The following RAB11FIP4 variants were observed in gnomAD, a reference collection of about 807,000 sequenced individuals.
The protein encoded by RAB11FIP4 is rab11 family-interacting protein 4.
In RAB11FIP4, 23 loss-of-function variants were observed where a neutral mutation model predicts 74.3. The ratio of observed to expected loss-of-function variants is 0.31; its 90% confidence interval spans 0.22 to 0.44. The LOEUF (loss-of-function observed/expected upper bound fraction) is 0.44. Ranked by LOEUF, RAB11FIP4 falls within the 20% of genes least tolerant of loss-of-function variation. The pLI, the probability that RAB11FIP4 is intolerant of heterozygous loss-of-function variation, is 1.00. For synonymous variants in RAB11FIP4, 360 were observed against 359.9 expected (o/e 1.00, Z 0.00); for missense variants, 630 against 863.9 (o/e 0.73, Z 3.39).
intron 3 of RAB11FIP4, among the ~76,000 whole-genome samples, chr17:31,503,736 C>T (rs917525793): frequency 6.7e-6 from 1 of 149,790 alleles, no homozygotes; most frequent in Non-Finnish European, 1.5e-5. Context: ...CTCATTTCAT[C>T]CTTGAAGCTC....
At position 31,528,767 on chromosome 17, in the gene RAB11FIP4, C is replaced by T. The variant is rs752141998; in HGVS notation, c.1642C>T (p.Arg548Trp). 2.0e-5 allele frequency: 32 copies of T among 1,608,792 alleles called. No individual in the cohort carries two copies. The highest frequency in any genetic ancestry group is 2.3e-5 in the Non-Finnish European group (27 of 1,178,600). ...GGTGGAGCTCGAGCACGAGGTCAAG[C>T]GGCTCAAGCAGGTGGGTCTAGCAGT... is the stretch of plus-strand genomic sequence containing the variant. ...REVELEHEVK[R>W]LKQENYKLRD... The change falls in exon 13 of 15, where the codon CGG becomes TGG. Residue 548 changes from arginine to tryptophan, a missense_variant. Transcript: ENST00000621161.
rs1162041790 is a variant in RAB11FIP4, at chr17:31,533,614, C to T, written c.*1882C>T. ...GAGTACTGGTGCGTGGGGGCCTTACCCCAGGGTTGAGTATTTTATCTGTAA... is the reference window on the plus strand; with the variant it reads ...GAGTACTGGTGCGTGGGGGCCTTACTCCAGGGTTGAGTATTTTATCTGTAA... On this transcript the variant is annotated 3_prime_UTR_variant, in exon 15 of 15. Coordinates refer to ENST00000621161, the MANE Select transcript of RAB11FIP4 (RefSeq NM_032932.6). The T allele has an allele frequency of 1.3e-5, 2 of 152,282 alleles. No homozygotes were observed. The highest frequency in any genetic ancestry group is 2.9e-5 in the Non-Finnish European group (2 of 68,100). 9.4% of individuals were successfully genotyped at this position (152,282 alleles called of 1,614,324 possible). A position where few individuals can be genotyped will look rare whatever the true frequency, so the allele number is the denominator to read the frequency against.
At position 31,434,119 on chromosome 17, in the gene RAB11FIP4, G is replaced by A; in HGVS notation, c.333G>A (p.Glu111=). ...PCAPEIPDCV[E]QGSEVTGPTF... ...CGCCAGAGATCCCAGACTGCGTGGA[G>A]CAGGTAAGGCTTGGGGGGCCTCAAG... Residue 111 remains glutamate, a synonymous_variant, in exon 3 of 15, where the codon GAG becomes GAA. Transcript: ENST00000621161. 1 of 1,576,472 alleles carries A rather than the reference G, an allele frequency of 6.3e-7. No homozygotes were observed. Among genetic ancestry groups the A allele is most frequent in the Non-Finnish European group, 8.6e-7 (1 of 1,168,846 alleles).
chr17:31,523,459 C>T, intron 7 of RAB11FIP4, 53 bp from the exon 8 acceptor site: 1 of 1,414,024 alleles, frequency 7.1e-7, no homozygotes, highest in Non-Finnish European at 1.0e-6. Flanking sequence ...TGTGAGTAGG[C>T]CCCTGTCTCT....
intron 3 of RAB11FIP4, among the ~76,000 whole-genome samples, chr17:31,438,546 G>A (rs1030535183): frequency 9.9e-5 from 15 of 151,842 alleles, no homozygotes; most frequent in South Asian, 2.1e-4. Flanking sequence ...CCCACTGACC[G>A]GGCGTCCTCC....
chr17:31,505,607 TA>T lies in RAB11FIP4; in HGVS notation c.337-12042del, dbSNP rs1567681434. On this transcript the variant is annotated intron_variant, in intron 3 of 14. Transcript: ENST00000621161. ...ATAATAATTATATATTATATAATAA[TA>T]ATTATATATAATATATAATTATATA... 1.1e-3 allele frequency among the ~76,000 whole-genome samples: 52 copies of T among 46,686 alleles called. 1 individual carries two copies. Among genetic ancestry groups the T allele is most frequent in the East Asian group, 7.9e-3 (7 of 884 alleles). 30.6% of individuals were successfully genotyped at this position (46,686 alleles called of 152,430 possible).
At chr17:31,431,625 GC>G (rs2071310148) in intron 1 of RAB11FIP4, 187 bp from the exon 2 acceptor site, 1 of 539,964 alleles carries the variant, frequency 1.9e-6, no homozygotes, top group Admixed American at 3.8e-5. Context: ...GCTTTTCTTT[GC>G]CCGAGTTGTC....
rs372200031 is a variant in RAB11FIP4, at chr17:31,537,012, A to G, written c.*5280A>G. On this transcript the variant is annotated 3_prime_UTR_variant, in exon 15 of 15. Coordinates refer to ENST00000621161, the MANE Select transcript of RAB11FIP4 (RefSeq NM_032932.6). ...ACCAGCTGGGGATGGCATCCAGGCCATGTCTCCTGCAGGATCCAAGTGCTG... is the reference window on the plus strand; with the variant it reads ...ACCAGCTGGGGATGGCATCCAGGCCGTGTCTCCTGCAGGATCCAAGTGCTG... 3 of 399,126 alleles carry G rather than the reference A, an allele frequency of 7.5e-6. No individual in the cohort carries two copies. Among genetic ancestry groups the G allele is most frequent in the African/African-American group, 4.1e-5 (2 of 48,624 alleles). The allele number at this position is 399,126 out of a possible 1,614,324, so 24.7% of individuals were successfully genotyped here. A position where few individuals can be genotyped will look rare whatever the true frequency, so the allele number is the denominator to read the frequency against.
In RAB11FIP4 at chr17:31,517,657, G is replaced by A. The variant is rs373934500; in HGVS notation, c.343G>A (p.Glu115Lys). ...EIPDCVEQGS[E>K]VTGPTFADGE... ...TCTGCTCTCTCTTTCCCAGGGCAGCGAGGTCACAGGCCCCACCTTTGCTGA... is the reference window on the plus strand; with the variant it reads ...TCTGCTCTCTCTTTCCCAGGGCAGCAAGGTCACAGGCCCCACCTTTGCTGA... The change falls in exon 4 of 15, where the codon GAG becomes AAG. Residue 115 changes from glutamate to lysine, a missense_variant. Glu to Lys is a moderately conservative substitution (Grantham distance 56). Coordinates refer to ENST00000621161, the MANE Select transcript of RAB11FIP4 (RefSeq NM_032932.6). 7.5e-6 allele frequency: 12 copies of A among 1,602,520 alleles called. No individual in the cohort carries two copies. The highest frequency in any genetic ancestry group is 1.3e-5 in the African/African-American group (1 of 74,832).
Position 31,476,233 on chromosome 17 carries a change from G to A in RAB11FIP4, c.337-41418G>A, listed in dbSNP as rs147913290. On this transcript the variant is annotated intron_variant, in intron 3 of 14. Coordinates refer to ENST00000621161, the MANE Select transcript of RAB11FIP4 (RefSeq NM_032932.6). ...GGTGTCCTCCTCTGTCACCCAGGCT[G>A]GAGTGCAGTGGTGCAATCTTGGCTC... Among the ~76,000 whole-genome samples, 734 of 131,840 alleles carry A rather than the reference G, an allele frequency of 5.6e-3. 2 individuals are homozygous for A. The highest frequency in any genetic ancestry group is 8.6e-3 in the Non-Finnish European group (558 of 65,178). The allele number at this position is 131,840 out of a possible 152,430, so 86.5% of individuals were successfully genotyped here.
At chr17:31,469,238 C>G (rs1255447819) in intron 3 of RAB11FIP4, among the ~76,000 whole-genome samples, 1 of 152,160 alleles carries the variant, frequency 6.6e-6, no homozygotes, top group Non-Finnish European at 1.5e-5. Context: ...ACTGGGGAAC[C>G]AATGGCCCCT....
At chr17:31,488,878 G>T (rs2071953333) in intron 3 of RAB11FIP4, among the ~76,000 whole-genome samples, 1 of 152,230 alleles carries the variant, frequency 6.6e-6, no homozygotes, top group Non-Finnish European at 1.5e-5. Context: ...CTCTGTGCGG[G>T]CGACAAGTGT....
At chr17:31,479,722 C>T (rs1166521482) in intron 3 of RAB11FIP4, among the ~76,000 whole-genome samples, 1 of 152,124 alleles carries the variant, frequency 6.6e-6, no homozygotes, top group Non-Finnish European at 1.5e-5. Flanking sequence ...AGGAGTTTGC[C>T]TGGTGGACAG....
At chr17:31,469,830 G>A (rs1214616036) in intron 3 of RAB11FIP4, among the ~76,000 whole-genome samples, 7 of 152,204 alleles carry the variant, frequency 4.6e-5, no homozygotes, top group South Asian at 2.1e-4. Context: ...CAACTAAACC[G>A]TTTGGCGGTC....
chr17:31,396,183 CA>C (rs55991343), intron 1 of RAB11FIP4, among the ~76,000 whole-genome samples: 70,215 of 122,606 alleles, frequency 0.57, 18,321 homozygotes, highest in Non-Finnish European at 0.64. Context: ...GACCCTGCCA[CA>C]AAAAAAAAAA....
intron 10 of RAB11FIP4, chr17:31,525,543 T>G: frequency 2.7e-6 from 1 of 364,620 alleles, no homozygotes; most frequent in Non-Finnish European, 5.0e-6. Flanking sequence ...GCTGTCAGGT[T>G]CTCCCCTGAC....
intron 1 of RAB11FIP4, among the ~76,000 whole-genome samples, chr17:31,410,661 G>C (rs1476233209): frequency 6.6e-6 from 1 of 152,188 alleles, no homozygotes; most frequent in Non-Finnish European, 1.5e-5. Flanking sequence ...GAGGGGCTGG[G>C]ACTGCTGTGG....
At chr17:31,407,398 C>A (rs149351494) in intron 1 of RAB11FIP4, among the ~76,000 whole-genome samples, 6 of 152,244 alleles carry the variant, frequency 3.9e-5, no homozygotes, top group African/African-American at 9.6e-5. Flanking sequence ...TATCATCTAA[C>A]TCCATTTCTG....
At chr17:31,401,422 C>G (rs987403326) in intron 1 of RAB11FIP4, among the ~76,000 whole-genome samples, 9 of 152,232 alleles carry the variant, frequency 5.9e-5, no homozygotes, top group African/African-American at 1.9e-4. Flanking sequence ...CTTCTGTGCC[C>G]TTGAGGGCAG....
Sources: gnomAD v4.1 joint callset for allele counts (sites outside exome capture counted in the v4.1 genomes callset) on GRCh38, gnomAD v4.1.1 for gene constraint, MANE v1.5 for transcripts, NCBI Gene and HGNC (gene_info 2026-07-23, HGNC 2026-07-21) for gene names.